Variants in ATG13 observed in about 807,000 individuals in gnomAD.
ATG13 encodes autophagy-related protein 13.
Under a neutral mutation model 65.5 loss-of-function variants are expected in ATG13, and 23 were observed. That is an observed-to-expected ratio of 0.35 (90% CI 0.25 to 0.50). The LOEUF (loss-of-function observed/expected upper bound fraction) is 0.50. ATG13 is among the 20% of genes least tolerant of loss of function. The pLI is 0.98. For synonymous variants in ATG13, 252 were observed against 245.2 expected (o/e 1.03, Z -0.26); for missense variants, 566 against 677.0 (o/e 0.84, Z 1.82).
chr11:46,668,688 C>G (rs972523252), intron 16 of ATG13, 106 bp from the exon 17 acceptor site: 1 of 1,490,826 alleles, frequency 6.7e-7, no homozygotes, highest in Non-Finnish European at 9.4e-7. Context: ...CCTCGGCTTA[C>G]GGGTTTGTAG....
At chr11:46,655,347 G>A (rs1224561754) in intron 7 of ATG13, among the ~76,000 whole-genome samples, 3 of 151,672 alleles carry the variant, frequency 2.0e-5, no homozygotes, top group Admixed American at 6.6e-5. Flanking sequence ...GCAGTGAGCC[G>A]AGATTGCACC....
At chr11:46,618,770 T>C (rs916116747) in intron 1 of ATG13, among the ~76,000 whole-genome samples, 5 of 152,170 alleles carry the variant, frequency 3.3e-5, no homozygotes, top group Admixed American at 3.3e-4. Flanking sequence ...TTTTCAACTC[T>C]CCATTTATCA....
At chr11:46,654,283 T>TTTTA (rs1555105176) in intron 7 of ATG13, among the ~76,000 whole-genome samples, 1 of 122,316 alleles carries the variant, frequency 8.2e-6, no homozygotes. Flanking sequence ...TTTTAAAATT[T>TTTTA]TATATATATA....
intron 7 of ATG13, among the ~76,000 whole-genome samples, chr11:46,652,169 A>G (rs2059050445): frequency 6.6e-6 from 1 of 151,860 alleles, no homozygotes; most frequent in Non-Finnish European, 1.5e-5. Context: ...AATCACTTGA[A>G]CCCAGGAGGC....
At chr11:46,618,919 G>C (rs1215042741) in intron 1 of ATG13, among the ~76,000 whole-genome samples, 1 of 152,096 alleles carries the variant, frequency 6.6e-6, no homozygotes, top group African/African-American at 2.4e-5. Context: ...CTGGGCTCAG[G>C]GAATCCTCCC....
At chr11:46,641,255 A>G (rs2055886003) in intron 2 of ATG13, among the ~76,000 whole-genome samples, 1 of 152,270 alleles carries the variant, frequency 6.6e-6, no homozygotes, top group African/African-American at 2.4e-5. Flanking sequence ...TATTTTTAGT[A>G]GAGACGGGGT....
intron 2 of ATG13, among the ~76,000 whole-genome samples, chr11:46,634,527 TG>T (rs1226940869): frequency 6.6e-6 from 1 of 151,260 alleles, no homozygotes; most frequent in Non-Finnish European, 1.5e-5. Flanking sequence ...CCTGAGTAGC[TG>T]GGACTATAGG....
chr11:46,655,607 C>G (rs903346001), intron 7 of ATG13, among the ~76,000 whole-genome samples: 3 of 152,176 alleles, frequency 2.0e-5, no homozygotes, highest in Admixed American at 2.0e-4. Flanking sequence ...CCAGTGCCTT[C>G]TAGTAGCAAT....
chr11:46,656,160 C>T (rs962209258), intron 7 of ATG13, 73 bp from the exon 8 acceptor site: 4 of 1,337,016 alleles, frequency 3.0e-6, no homozygotes, highest in Non-Finnish European at 4.3e-6. Flanking sequence ...TATTTTGTTT[C>T]TACGTGTTTT....
chr11:46,635,646 C>T (rs1034545529), intron 2 of ATG13, among the ~76,000 whole-genome samples: 1 of 152,162 alleles, frequency 6.6e-6, no homozygotes. Context: ...AAGAGCAAAG[C>T]GTAAAGTAAA....
chr11:46,650,409 G>C lies in ATG13; in HGVS notation c.458+92G>C, dbSNP rs927032653. The C allele has an allele frequency of 1.9e-5, 29 of 1,487,610 alleles. No homozygotes were observed. The African/African-American group carries it at 3.7e-4, about 19-fold the overall frequency. 92.2% of individuals were successfully genotyped at this position (1,487,610 alleles called of 1,614,324 possible). A position where few individuals can be genotyped will look rare whatever the true frequency, so the allele number is the denominator to read the frequency against. On this transcript the variant is annotated intron_variant, in intron 7 of 18. Transcript: ENST00000683050. ...TTAGATGTTCTGTGATGATGTTTTG[G>C]ACAGTTGGTTGGTTTGTTGGATTAT...
At chr11:46,621,097 C>G (rs967439176) in intron 1 of ATG13, 1 of 152,122 alleles carries the variant, frequency 6.6e-6, no homozygotes, top group Non-Finnish European at 1.5e-5. Flanking sequence ...TCGCTGCAAC[C>G]TCTGCCTCCC....
intron 9 of ATG13, 106 bp downstream of exon 9, chr11:46,657,297 T>A: frequency 8.9e-7 from 1 of 1,120,606 alleles, no homozygotes; most frequent in Non-Finnish European, 1.3e-6. Context: ...CTGAAAGCAG[T>A]ACCTTCAGAA....
intron 2 of ATG13, among the ~76,000 whole-genome samples, chr11:46,631,758 G>T (rs534392457): frequency 8.5e-4 from 130 of 152,138 alleles, no homozygotes; most frequent in Non-Finnish European, 1.7e-3. Flanking sequence ...ATATACCTGT[G>T]GTCTCAGCTA....
intron 1 of ATG13, among the ~76,000 whole-genome samples, chr11:46,623,083 G>A (rs538162076): frequency 1.1e-4 from 16 of 151,976 alleles, no homozygotes; most frequent in African/African-American, 1.4e-4. Flanking sequence ...TCACGAGGTC[G>A]GGAGACCATC....
intron 2 of ATG13, among the ~76,000 whole-genome samples, chr11:46,642,734 G>T (rs531320423): frequency 6.6e-6 from 1 of 152,276 alleles, no homozygotes; most frequent in East Asian, 1.9e-4. Context: ...TCTGCATTAT[G>T]CCCGTAAAGC....
At chr11:46,641,649 A>G (rs1009700432) in intron 2 of ATG13, among the ~76,000 whole-genome samples, 1 of 152,118 alleles carries the variant, frequency 6.6e-6, no homozygotes, top group African/African-American at 2.4e-5. Flanking sequence ...AATATTGGAT[A>G]TGTTCTATAA....
chr11:46,628,245 A>G (rs1247757099), intron 1 of ATG13, among the ~76,000 whole-genome samples: 1 of 152,098 alleles, frequency 6.6e-6, no homozygotes, highest in Admixed American at 6.6e-5. Flanking sequence ...TCCATTAAAA[A>G]TACAAAAATA....
chr11:46,661,708 G>A (rs142764622), intron 11 of ATG13, among the ~76,000 whole-genome samples: 2 of 151,794 alleles, frequency 1.3e-5, no homozygotes, highest in African/African-American at 4.8e-5. Context: ...GTACAAACCT[G>A]TAGTTGCAGC....
Sources: allele counts gnomAD v4.1 joint callset (sites outside exome capture counted in the v4.1 genomes callset), GRCh38; gene constraint gnomAD v4.1.1; transcripts MANE v1.5; gene names NCBI Gene and HGNC (gene_info 2026-07-23, HGNC 2026-07-21).